The following C8orf34 variants were observed in gnomAD, a reference collection of about 807,000 sequenced individuals.
C8orf34 encodes the protein chromosome 8 open reading frame 34, also known as uncharacterized protein C8orf34.
In C8orf34, 65 loss-of-function variants were observed where a neutral mutation model predicts 68.3. The observed-to-expected ratio is 0.95, with a 90% CI of 0.78 to 1.17. C8orf34 has a LOEUF of 1.17. Ranked by LOEUF, C8orf34 falls within the 50% of genes most tolerant of loss-of-function variation. The pLI, the probability that C8orf34 is intolerant of heterozygous loss-of-function variation, is 0.00. For missense variants in C8orf34, 664 were observed against 655.4 expected, an observed-to-expected ratio of 1.01 and a Z score of -0.14; for synonymous variants, 244 against 241.2, an observed-to-expected ratio of 1.01 and a Z score of -0.11.
At chr8:68,414,160 T>G (rs1328980847) in intron 1 of C8orf34, among the ~76,000 whole-genome samples, 1 of 152,172 alleles carries the variant, frequency 6.6e-6, no homozygotes, top group Non-Finnish European at 1.5e-5. Context: ...ATGTAATATA[T>G]TCCATCCACA....
intron 7 of C8orf34, among the ~76,000 whole-genome samples, chr8:68,592,031 C>T (rs1817404177): frequency 1.3e-5 from 2 of 151,976 alleles, no homozygotes; most frequent in Admixed American, 6.6e-5. Context: ...CAGCTATTTG[C>T]GCTTTTAAAA....
chr8:68,807,979 AC>A (rs1239754014), intron 12 of C8orf34, among the ~76,000 whole-genome samples: 3 of 150,204 alleles, frequency 2.0e-5, no homozygotes, highest in Non-Finnish European at 4.4e-5. Flanking sequence ...TTACAACTCC[AC>A]TTTTTTTTTT....
intron 7 of C8orf34, among the ~76,000 whole-genome samples, chr8:68,632,177 G>A (rs943749889): frequency 2.0e-5 from 3 of 152,144 alleles, no homozygotes; most frequent in Non-Finnish European, 4.4e-5. Flanking sequence ...GGCTGAGGTG[G>A]TGTCAGATGG....
intron 8 of C8orf34, among the ~76,000 whole-genome samples, chr8:68,642,418 A>G (rs1300635607): frequency 1.3e-5 from 2 of 152,210 alleles, no homozygotes; most frequent in Admixed American, 6.5e-5. Flanking sequence ...AAAAACAAGT[A>G]TCAGTTGTCG....
rs73267810 is a variant in C8orf34, at chr8:68,672,388, T to C, written c.1241+31877T>C. Among the ~76,000 whole-genome samples, 1,011 of 152,276 alleles carry C rather than the reference T, an allele frequency of 6.6e-3. 10 individuals are homozygous for C. The highest frequency in any genetic ancestry group is 0.022 in the African/African-American group (923 of 41,554). The stretch of plus-strand genomic sequence containing the variant: ...AAGAGGGAAGGAAAGAGTCTTCAAT[T>C]GCCAAGGCCACCCTACACCCATCCC... On this transcript the variant is annotated intron_variant, in intron 8 of 13. Transcript: ENST00000518698.
chr8:68,515,042 A>G (rs1814446294), intron 5 of C8orf34, among the ~76,000 whole-genome samples: 1 of 152,242 alleles, frequency 6.6e-6, no homozygotes. Flanking sequence ...CGTGTTCAAT[A>G]TACTAAGTGC....
At chr8:68,633,285 A>T (rs141325634) in intron 7 of C8orf34, among the ~76,000 whole-genome samples, 349 of 152,332 alleles carry the variant, frequency 2.3e-3, no homozygotes, top group Non-Finnish European at 3.9e-3. Context: ...GGAGCACGGA[A>T]GCTAGTAAGA....
intron 7 of C8orf34, among the ~76,000 whole-genome samples, chr8:68,546,406 C>A (rs1466894973): frequency 6.6e-6 from 1 of 151,504 alleles, no homozygotes; most frequent in Non-Finnish European, 1.5e-5. Flanking sequence ...AGAGTTATAG[C>A]TTAATGATAA....
At chr8:68,384,170 A>T (rs1808157720) in intron 1 of C8orf34, among the ~76,000 whole-genome samples, 1 of 152,222 alleles carries the variant, frequency 6.6e-6, no homozygotes, top group Non-Finnish European at 1.5e-5. Context: ...TATTATTTTT[A>T]AATTTTGTTT....
intron 1 of C8orf34, among the ~76,000 whole-genome samples, chr8:68,401,379 C>A (rs1433407584): frequency 6.6e-6 from 1 of 152,010 alleles, no homozygotes; most frequent in African/African-American, 2.4e-5. Context: ...CTGTCTCTTG[C>A]CTAATTGTTT....
intron 6 of C8orf34, 115 bp downstream of exon 6, chr8:68,522,086 TTA>T (rs1814781761): frequency 1.1e-6 from 1 of 928,208 alleles, no homozygotes; most frequent in Non-Finnish European, 1.6e-6. Context: ...TTATAGAAAA[TTA>T]TGTTAGTCTA....
chr8:68,783,985 G>A (rs1240644565), intron 11 of C8orf34, among the ~76,000 whole-genome samples: 1 of 152,126 alleles, frequency 6.6e-6, no homozygotes, highest in Non-Finnish European at 1.5e-5. Flanking sequence ...AACTATTACT[G>A]ATACTTTATG....
intron 7 of C8orf34, among the ~76,000 whole-genome samples, chr8:68,580,242 C>T (rs1187202999): frequency 2.0e-5 from 3 of 151,588 alleles, no homozygotes; most frequent in East Asian, 1.9e-4. Flanking sequence ...AAGGGGTATA[C>T]ATTTTTAAAG....
At chr8:68,590,303 T>G (rs1204411691) in intron 7 of C8orf34, among the ~76,000 whole-genome samples, 1 of 152,024 alleles carries the variant, frequency 6.6e-6, no homozygotes, top group African/African-American at 2.4e-5. Context: ...CCTTTAAAAA[T>G]CTATAGTACA....
At chr8:68,430,837 T>G (rs1182873635) in intron 1 of C8orf34, among the ~76,000 whole-genome samples, 2 of 152,084 alleles carry the variant, frequency 1.3e-5, no homozygotes, top group African/African-American at 4.8e-5. Flanking sequence ...AAATATAACA[T>G]TGAGAGAGAC....
chr8:68,526,511 T>C (rs1814994885), intron 6 of C8orf34, among the ~76,000 whole-genome samples: 1 of 152,166 alleles, frequency 6.6e-6, no homozygotes, highest in African/African-American at 2.4e-5. Context: ...ACTAGGTATA[T>C]GACAAGCACT....
chr8:68,704,326 G>T (rs562267484), intron 8 of C8orf34, among the ~76,000 whole-genome samples: 6 of 152,078 alleles, frequency 3.9e-5, no homozygotes, highest in African/African-American at 1.4e-4. Context: ...GAGGGATGGC[G>T]TGGTGGGGAG....
intron 5 of C8orf34, among the ~76,000 whole-genome samples, chr8:68,490,774 G>A (rs1157516112): frequency 1.3e-5 from 2 of 152,100 alleles, no homozygotes; most frequent in Non-Finnish European, 2.9e-5. Context: ...GGAGTCACAG[G>A]CTTCCAGAGC....
At chr8:68,675,250 G>A (rs1446644201) in intron 8 of C8orf34, among the ~76,000 whole-genome samples, 2 of 152,008 alleles carry the variant, frequency 1.3e-5, no homozygotes, top group Non-Finnish European at 2.9e-5. Context: ...GTAATAGTAA[G>A]TACACAGAAA....
Sources: gnomAD v4.1 joint callset for allele counts (sites outside exome capture counted in the v4.1 genomes callset) on GRCh38, gnomAD v4.1.1 for gene constraint, MANE v1.5 for transcripts, NCBI Gene and HGNC (gene_info 2026-07-23, HGNC 2026-07-21) for gene names.